Variants in ART3 observed in about 807,000 individuals in gnomAD.
ART3 encodes ADP-ribosyltransferase 3 (inactive), also known as ecto-ADP-ribosyltransferase 3.
ART3 carries 49 observed loss-of-function variants against 48.5 expected under a neutral mutation model. That is an observed-to-expected ratio of 1.01 (90% CI 0.80 to 1.28). ART3 has a LOEUF of 1.28. Ranked by LOEUF, ART3 falls within the 50% of genes most tolerant of loss-of-function variation. The probability of loss-of-function intolerance (pLI) is 0.00; values close to 1 mark genes in which losing one functional copy is unlikely to be tolerated. For synonymous variants in ART3, 145 were observed against 157.2 expected (o/e 0.92, Z 0.58); for missense variants, 438 against 454.3 (o/e 0.96, Z 0.33).
intron 1 of ART3, among the ~76,000 whole-genome samples, chr4:76,031,525 T>G (rs1006001012): frequency 1.3e-5 from 2 of 152,352 alleles, no homozygotes; most frequent in South Asian, 4.1e-4. Flanking sequence ...CCAATGACTT[T>G]GATAGGGTCA....
chr4:76,091,522 C>T (rs1331422012), intron 3 of ART3, among the ~76,000 whole-genome samples: 1 of 152,024 alleles, frequency 6.6e-6, no homozygotes, highest in African/African-American at 2.4e-5. Flanking sequence ...TACTTATTTG[C>T]CATTTGTATA....
At chr4:76,085,949 G>T (rs1272019302) in intron 3 of ART3, among the ~76,000 whole-genome samples, 1 of 152,038 alleles carries the variant, frequency 6.6e-6, no homozygotes, top group East Asian at 1.9e-4. Flanking sequence ...CCACGTGCCT[G>T]TAATCACAGC....
chr4:76,101,848 G>A (rs1042671223), intron 8 of ART3, among the ~76,000 whole-genome samples: 9 of 152,190 alleles, frequency 5.9e-5, no homozygotes, highest in African/African-American at 1.9e-4. Flanking sequence ...TTTTTGGAGA[G>A]CAATTTAGTA....
Position 76,112,461 on chromosome 4 carries a change from T to C in ART3, c.1112T>C (p.Phe371Ser). Residue 371 changes from phenylalanine (F) to serine (S), a missense_variant, in exon 12 of 12, where the codon TTT (phenylalanine) becomes TCT (serine). Physicochemically the swap from Phe to Ser is radical, Grantham distance 155. Around this residue, in one of 3 missense-constraint regions of ART3, gnomAD observed 227 missense variants for 229.6 expected, o/e 0.99. Transcript: ENST00000355810. The part of the protein sequence containing the change: ...ASSGKLLLPQ[F>S]GMVIILISVS... ...TCGGGCAAACTGCTGCTTCCACAGT[T>C]TGGGATGGTCATCATTTTAATCAGT... 1 of 1,614,140 alleles carries C rather than the reference T, an allele frequency of 6.2e-7. No homozygotes were observed. The highest frequency in any genetic ancestry group is 1.3e-5 in the African/African-American group (1 of 75,046).
intron 1 of ART3, among the ~76,000 whole-genome samples, chr4:76,055,268 T>A (rs762543193): frequency 2.0e-5 from 3 of 152,224 alleles, no homozygotes; most frequent in Non-Finnish European, 2.9e-5. Flanking sequence ...AGTTGGTGGC[T>A]GGGTATGTGG....
intron 2 of ART3, among the ~76,000 whole-genome samples, chr4:76,078,952 G>A (rs1721774243): frequency 6.6e-6 from 1 of 152,108 alleles, no homozygotes; most frequent in Admixed American, 6.5e-5. Context: ...GTGGTGGCGG[G>A]CGTCTGTAGT....
chr4:76,100,192 A>G (rs2149672826), intron 5 of ART3, 99 bp from the exon 6 acceptor site: 1 of 1,227,406 alleles, frequency 8.1e-7, no homozygotes. Context: ...ATGGTTCTTT[A>G]TAGTCATATT....
chr4:76,046,835 A>G (rs896965070), intron 1 of ART3, among the ~76,000 whole-genome samples: 2 of 152,060 alleles, frequency 1.3e-5, no homozygotes, highest in African/African-American at 4.8e-5. Context: ...ATACCTGGTT[A>G]CAGGCTGTCC....
At chr4:76,058,536 A>G (rs1264817894) in intron 1 of ART3, 1 of 152,210 alleles carries the variant, frequency 6.6e-6, no homozygotes, top group Non-Finnish European at 1.5e-5. Flanking sequence ...TCTAGGAATC[A>G]ATCACTGCTG....
intron 3 of ART3, among the ~76,000 whole-genome samples, chr4:76,092,206 T>A (rs1725054972): frequency 6.6e-6 from 1 of 152,192 alleles, no homozygotes; most frequent in East Asian, 1.9e-4. Context: ...AGAAGAGTTT[T>A]AAAAAATATA....
At chr4:76,105,340 T>C (rs1728231169) in intron 10 of ART3, among the ~76,000 whole-genome samples, 1 of 152,154 alleles carries the variant, frequency 6.6e-6, no homozygotes, top group Admixed American at 6.6e-5. Context: ...CTGAGTAGCT[T>C]TATATAAGTT....
At chr4:76,111,502 G>A (rs902352061) in intron 11 of ART3, among the ~76,000 whole-genome samples, 3 of 152,070 alleles carry the variant, frequency 2.0e-5, no homozygotes, top group Non-Finnish European at 2.9e-5. Context: ...TCTTCCTTAT[G>A]ATTTTAATAT....
chr4:76,013,371 ATC>A (rs1181176489), intron 1 of ART3, among the ~76,000 whole-genome samples: 3 of 152,152 alleles, frequency 2.0e-5, no homozygotes, highest in Non-Finnish European at 2.9e-5. Flanking sequence ...TGCCTTGTGA[ATC>A]TCTATGTGGG....
chr4:76,079,436 A>G (rs1373885109), intron 2 of ART3, among the ~76,000 whole-genome samples: 9 of 152,234 alleles, frequency 5.9e-5, no homozygotes, highest in Admixed American at 5.9e-4. Flanking sequence ...GGTTCTTTGA[A>G]CATTCAAGTG....
intron 4 of ART3, 53 bp downstream of exon 4, chr4:76,097,729 C>T (rs1452419280): frequency 1.4e-6 from 2 of 1,445,676 alleles, no homozygotes; most frequent in East Asian, 2.3e-5. Context: ...TCAGTTACTT[C>T]TCATAGCTAT....
intron 3 of ART3, among the ~76,000 whole-genome samples, chr4:76,089,803 T>C (rs573819924): frequency 6.6e-6 from 1 of 152,138 alleles, no homozygotes; most frequent in African/African-American, 2.4e-5. Context: ...CTTTGGAGGC[T>C]GGGCGCGGTG....
At chr4:76,030,319 G>T (rs959049065) in intron 1 of ART3, among the ~76,000 whole-genome samples, 4 of 152,234 alleles carry the variant, frequency 2.6e-5, no homozygotes, top group African/African-American at 9.6e-5. Flanking sequence ...GCCTCCCAAA[G>T]TGCTGGGATT....
At chr4:76,043,331 A>C (rs1312419244) in intron 1 of ART3, among the ~76,000 whole-genome samples, 1 of 151,856 alleles carries the variant, frequency 6.6e-6, no homozygotes, top group Non-Finnish European at 1.5e-5. Context: ...GGGACTGGGC[A>C]CCGTGGAGCA....
In ART3 at chr4:76,040,437, TACAC is replaced by T. The variant is rs748020159; in HGVS notation, c.-10+29157_-10+29160del. 7.3e-3 allele frequency among the ~76,000 whole-genome samples: 649 copies of T among 88,458 alleles called. 6 individuals carry two copies. Among genetic ancestry groups the T allele is most frequent in the South Asian group, 0.023 (60 of 2,560 alleles). The allele number at this position is 88,458 out of a possible 152,430, so 58.0% of individuals were successfully genotyped here. A position where few individuals can be genotyped will look rare whatever the true frequency, so the allele number is the denominator to read the frequency against. The stretch of plus-strand genomic sequence containing the variant: ...TGGATGGATACGCACATACACTGGA[TACAC>T]ACACACACACACACACACACACACA... On this transcript the variant is annotated intron_variant, in intron 1 of 9. Transcript: ENST00000341029.
Sources: allele counts gnomAD v4.1 joint callset (sites outside exome capture counted in the v4.1 genomes callset), GRCh38; gene constraint gnomAD v4.1.1; regional missense constraint gnomAD v4.1.1; transcripts MANE v1.5; gene names NCBI Gene and HGNC (gene_info 2026-07-23, HGNC 2026-07-21).